Variants in VPS26A observed in about 807,000 individuals in gnomAD.
VPS26A encodes VPS26 retromer complex component A.
Under a neutral mutation model 42.4 loss-of-function variants are expected in VPS26A, and 22 were observed. The ratio of observed to expected loss-of-function variants is 0.52; its 90% confidence interval spans 0.37 to 0.74. The LOEUF is 0.74. Ranked by LOEUF, VPS26A falls within the 30% of genes least tolerant of loss-of-function variation. The pLI is 0.00. For missense variants in VPS26A, 276 were observed against 379.2 expected, an observed-to-expected ratio of 0.73 and a Z score of 2.26; for synonymous variants, 110 against 123.5, an observed-to-expected ratio of 0.89 and a Z score of 0.73.
At chr10:69,136,307 C>G (rs1293008529) in intron 2 of VPS26A, among the ~76,000 whole-genome samples, 2 of 151,616 alleles carry the variant, frequency 1.3e-5, no homozygotes, top group African/African-American at 4.8e-5. Context: ...CTCTGTCCCC[C>G]AGGCTGGAGT....
At chr10:69,144,133 A>C (rs981260627) in intron 2 of VPS26A, among the ~76,000 whole-genome samples, 1 of 152,216 alleles carries the variant, frequency 6.6e-6, no homozygotes, top group African/African-American at 2.4e-5. Flanking sequence ...TTTCAGAAAA[A>C]TTGAGCAGAA....
chr10:69,132,443 TTC>T (rs1491075932), intron 1 of VPS26A, among the ~76,000 whole-genome samples: 23 of 141,526 alleles, frequency 1.6e-4, no homozygotes, highest in Admixed American at 1.2e-3. Context: ...TTTTTTTTTT[TTC>T]TTTCTTTCTT....
In VPS26A at chr10:69,171,240, C is replaced by A. The variant is rs1446470625; in HGVS notation, c.955C>A (p.Gln319Lys). The change falls in exon 9 of 9, where the codon CAG (glutamine) becomes AAG (lysine). Residue 319 changes from glutamine (Q) to lysine (K), a missense_variant. Physicochemically the swap from Gln to Lys is moderately conservative, Grantham distance 53. Coordinates refer to ENST00000263559, the MANE Select transcript of VPS26A (RefSeq NM_004896.5). ...CCAGCGATTTGAATCTCCAGAATCA[C>A]AGGCATCTGCCGAACAGCCTGAAAT... ...FHQRFESPES[Q>K]ASAEQPEM The A allele has an allele frequency of 1.2e-6, 2 of 1,613,860 alleles. No individual in the cohort carries two copies. The highest frequency in any genetic ancestry group is 1.1e-5 in the South Asian group (1 of 90,980).
chr10:69,155,636 C>G (rs1312099790), intron 2 of VPS26A, among the ~76,000 whole-genome samples, 176 bp from the exon 3 acceptor site: 2 of 152,126 alleles, frequency 1.3e-5, no homozygotes, highest in African/African-American at 2.4e-5. Flanking sequence ...TTGTGTATAA[C>G]TAAATTACAC....
chr10:69,142,212 G>T (rs1355383599), intron 2 of VPS26A, among the ~76,000 whole-genome samples: 3 of 134,802 alleles, frequency 2.2e-5, no homozygotes, highest in African/African-American at 8.6e-5. Flanking sequence ...TTGAGGTGGG[G>T]TCTCACTGTG....
chr10:69,126,827 T>A (rs1402667190), intron 1 of VPS26A, among the ~76,000 whole-genome samples: 2 of 151,998 alleles, frequency 1.3e-5, no homozygotes, highest in Middle Eastern at 3.4e-3. Flanking sequence ...TGGGTAGAGA[T>A]CTTTCTCTTT....
At chr10:69,164,935 T>G (rs1179075280) in intron 6 of VPS26A, among the ~76,000 whole-genome samples, 1 of 139,492 alleles carries the variant, frequency 7.2e-6, no homozygotes, top group Non-Finnish European at 1.5e-5. Context: ...GTTGGGTGTT[T>G]TTTTTTTTTT....
intron 8 of VPS26A, 74 bp from the exon 9 acceptor site, chr10:69,171,082 T>C: frequency 3.4e-6 from 4 of 1,183,718 alleles, no homozygotes; most frequent in South Asian, 1.4e-5. Flanking sequence ...ATGGTTAAAA[T>C]TGAAGTGGCA....
At chr10:69,132,431 G>GTTTTTTTTTTTTT (rs3086557) in intron 1 of VPS26A, among the ~76,000 whole-genome samples, 19 of 141,276 alleles carry the variant, frequency 1.3e-4, no homozygotes, top group Middle Eastern at 3.7e-3. Flanking sequence ...TTTTGATGTA[G>GTTTTTTTTTTTTT]TTTTTTTTTT....
rs1300131786 is a variant in VPS26A at position 69,172,683 on chromosome 10, A to G, written c.*1414A>G. Reference sequence around the variant, plus strand: ...TACATGTGGATATCTATGAATGGTAATGTTTTCCTTCATGTAAGTGCCTAT... The same window carrying G: ...TACATGTGGATATCTATGAATGGTAGTGTTTTCCTTCATGTAAGTGCCTAT... On this transcript the variant is annotated 3_prime_UTR_variant, in exon 9 of 9. Coordinates refer to ENST00000263559, the MANE Select transcript of VPS26A (RefSeq NM_004896.5). 6.5e-6 allele frequency: 1 copy of G among 152,676 alleles called. No individual in the cohort carries two copies. The highest frequency in any genetic ancestry group is 1.5e-5 in the Non-Finnish European group (1 of 68,042). 9.5% of individuals were successfully genotyped at this position (152,676 alleles called of 1,614,324 possible).
intron 2 of VPS26A, among the ~76,000 whole-genome samples, chr10:69,153,730 G>C (rs1564682007): frequency 1.3e-5 from 2 of 152,052 alleles, no homozygotes; most frequent in Non-Finnish European, 2.9e-5. Flanking sequence ...GCTGGGTATG[G>C]TCACTTGAGG....
intron 2 of VPS26A, among the ~76,000 whole-genome samples, chr10:69,155,538 T>C (rs1841414535): frequency 6.6e-6 from 1 of 152,214 alleles, no homozygotes; most frequent in Non-Finnish European, 1.5e-5. Flanking sequence ...TTCCTTTCTT[T>C]GAGTCTTTTT....
chr10:69,153,467 C>G (rs1030402190), intron 2 of VPS26A, among the ~76,000 whole-genome samples: 6 of 151,932 alleles, frequency 3.9e-5, no homozygotes, highest in African/African-American at 1.5e-4. Flanking sequence ...CCACAGTCTC[C>G]CTAGTAGCTG....
At chr10:69,162,818 T>C (rs1841590366) in intron 6 of VPS26A, among the ~76,000 whole-genome samples, 1 of 152,204 alleles carries the variant, frequency 6.6e-6, no homozygotes, top group African/African-American at 2.4e-5. Context: ...AATATGTTTA[T>C]TATAAGTTTA....
rs188871294 is a variant in VPS26A, at chr10:69,139,755, G to A, written c.153+6708G>A. ...TGCTTTGGTTTTCTTCTTGATATCA[G>A]TATTTTTGAGTCTTGTTTGAGTGTG... On this transcript the variant is annotated intron_variant, in intron 2 of 8. Transcript: ENST00000263559. 1.3e-3 allele frequency among the ~76,000 whole-genome samples: 204 copies of A among 152,152 alleles called. 2 individuals carry two copies. The highest frequency in any genetic ancestry group is 2.2e-3 in the Admixed American group (33 of 15,276).
intron 2 of VPS26A, among the ~76,000 whole-genome samples, chr10:69,150,686 C>T (rs113279974): frequency 1.6e-4 from 24 of 150,288 alleles, no homozygotes; most frequent in Middle Eastern, 7.5e-3. Flanking sequence ...CGTGAGCCAC[C>T]GCGCCCGGCA....
At chr10:69,126,851 A>G (rs192504839) in intron 1 of VPS26A, among the ~76,000 whole-genome samples, 391 of 143,738 alleles carry the variant, frequency 2.7e-3, no homozygotes, top group African/African-American at 8.9e-3. Context: ...TTCTTTCTAA[A>G]AGACAAGCTT....
chr10:69,158,345 A>G (rs1028709879), intron 5 of VPS26A, 134 bp downstream of exon 5: 1 of 782,236 alleles, frequency 1.3e-6, no homozygotes. Context: ...CTCTGAGCTA[A>G]AAGAAATTTT....
Position 69,171,920 on chromosome 10 carries a change from A to G in VPS26A, c.*651A>G, listed in dbSNP as rs1042151707. 1 of 152,068 alleles carries G rather than the reference A, an allele frequency of 6.6e-6. No homozygotes were observed. The highest frequency in any genetic ancestry group is 2.4e-5 in the African/African-American group (1 of 41,406). The allele number at this position is 152,068 out of a possible 1,614,324, so 9.4% of individuals were successfully genotyped here. On this transcript the variant is annotated 3_prime_UTR_variant, in exon 9 of 9. Coordinates refer to ENST00000263559, the MANE Select transcript of VPS26A (RefSeq NM_004896.5). ...TATGAATATTAGATTTCTTTCCCCA[A>G]GGGATTATGTGGCAGGTCATTATGG...
Sources: gnomAD v4.1 joint callset for allele counts (sites outside exome capture counted in the v4.1 genomes callset) on GRCh38, gnomAD v4.1.1 for gene constraint, MANE v1.5 for transcripts, NCBI Gene and HGNC (gene_info 2026-07-23, HGNC 2026-07-21) for gene names.